XRN1: variants seen among roughly 807,000 people sequenced by gnomAD.
The protein encoded by XRN1 is strand-exchange protein 1 homolog.
In XRN1, 67 loss-of-function variants were observed where a neutral mutation model predicts 222.3. That is an observed-to-expected ratio of 0.30 (90% CI 0.25 to 0.37). XRN1 has a LOEUF of 0.37. XRN1 is among the 10% of genes least tolerant of loss of function. XRN1 has a pLI of 1.00. For synonymous variants in XRN1, 643 were observed against 652.4 expected, an observed-to-expected ratio of 0.99 and a Z score of 0.22; for missense variants, 1,707 against 2,000.2, an observed-to-expected ratio of 0.85 and a Z score of 2.80.
intron 39 of XRN1, among the ~76,000 whole-genome samples, chr3:142,317,384 G>T (rs2065240338): frequency 6.6e-6 from 1 of 151,926 alleles, no homozygotes; most frequent in South Asian, 2.1e-4. Context: ...GCTTTGCTAG[G>T]ACTTTATCTA....
intron 39 of XRN1, chr3:142,313,271 G>A (rs941216799): frequency 7.2e-7 from 1 of 1,384,362 alleles, no homozygotes; most frequent in Non-Finnish European, 1.0e-6. Context: ...TTGAAGTCAA[G>A]GCCTTTTTTC....
At chr3:142,368,720 C>A (rs946882563) in intron 27 of XRN1, among the ~76,000 whole-genome samples, 2 of 152,114 alleles carry the variant, frequency 1.3e-5, no homozygotes, top group African/African-American at 4.8e-5. Flanking sequence ...AAATAAATGA[C>A]CTTTCAAAAA....
At chr3:142,360,480 T>C (rs1357794384) in intron 29 of XRN1, among the ~76,000 whole-genome samples, 8 of 152,020 alleles carry the variant, frequency 5.3e-5, no homozygotes, top group Non-Finnish European at 8.8e-5. Context: ...ACAATGAACA[T>C]GCAAATGTGT....
chr3:142,397,770 G>T (rs979084451), intron 19 of XRN1, among the ~76,000 whole-genome samples: 1 of 152,130 alleles, frequency 6.6e-6, no homozygotes, highest in Non-Finnish European at 1.5e-5. Context: ...AGCAACAGTA[G>T]GTTGACCACA....
Position 142,318,599 on chromosome 3 carries a change from TG to T in XRN1, c.4613del (p.Pro1538HisfsTer6). Reference sequence around the variant, plus strand: ...AAATGAAAAATATCTTACCAGTAGGTGGGGGAAAGGCTGGAGGAATGGTTCC... The same window carrying T: ...AAATGAAAAATATCTTACCAGTAGGTGGGGAAAGGCTGGAGGAATGGTTCC... ...PPGTIPPAFP[P>X]PTANIMPSSS... On this transcript the variant is annotated frameshift_variant, in exon 39 of 41. Transcript: ENST00000392981. LOFTEE classifies it high-confidence loss of function. 1 of 1,603,638 alleles carries T rather than the reference TG, an allele frequency of 6.2e-7. No individual in the cohort carries two copies. Among genetic ancestry groups the T allele is most frequent in the Admixed American group, 1.7e-5 (1 of 57,954 alleles).
intron 30 of XRN1, 109 bp from the exon 31 acceptor site, chr3:142,357,228 T>C (rs2066488687): frequency 2.0e-6 from 2 of 986,280 alleles, no homozygotes; most frequent in African/African-American, 1.6e-5. Context: ...TTAGTAAATA[T>C]TACTTTTTAA....
At chr3:142,367,944 A>C (rs1273239171) in intron 27 of XRN1, among the ~76,000 whole-genome samples, 1 of 3,706 alleles carries the variant, frequency 2.7e-4, no homozygotes, top group African/African-American at 1.9e-3. Flanking sequence ...TAATCCTGAA[A>C]GAAAAAAAAA....
chr3:142,430,423 G>A (rs1227663651), intron 2 of XRN1, among the ~76,000 whole-genome samples: 2 of 152,176 alleles, frequency 1.3e-5, no homozygotes, highest in Non-Finnish European at 2.9e-5. Flanking sequence ...GGGGAGTATG[G>A]TAAAAAATAG....
rs373709362 is a variant in XRN1, at chr3:142,335,539, A to G, written c.3878-30T>C. ...AGACAAGAAAACAGAAATTTTCATA[A>G]ATGGAAGTGTTTACTGCACAATTAA... On this transcript the variant is annotated intron_variant, in intron 33 of 40. Transcript: ENST00000392981. The G allele has an allele frequency of 2.5e-6, 4 of 1,586,790 alleles. No homozygotes were observed. The African/African-American group carries it at 5.4e-5, about 21-fold the overall frequency.
intron 22 of XRN1, among the ~76,000 whole-genome samples, chr3:142,380,846 C>T (rs1002205299): frequency 2.6e-5 from 4 of 152,042 alleles, no homozygotes; most frequent in African/African-American, 7.2e-5. Context: ...TGGGATTTTG[C>T]CATGTTGCCC....
intron 20 of XRN1, among the ~76,000 whole-genome samples, chr3:142,396,053 C>T (rs761815257): frequency 3.3e-5 from 5 of 152,176 alleles, no homozygotes; most frequent in Non-Finnish European, 7.3e-5. Flanking sequence ...TAGTTGTCTC[C>T]CATCCAGCAG....
intron 33 of XRN1, among the ~76,000 whole-genome samples, chr3:142,339,690 C>T (rs993394344): frequency 6.6e-6 from 1 of 152,120 alleles, no homozygotes; most frequent in Non-Finnish European, 1.5e-5. Context: ...GTAATCCCAG[C>T]ACTTTGGGAA....
chr3:142,407,673 T>C (rs542228747), intron 15 of XRN1: 65 of 152,344 alleles, frequency 4.3e-4, no homozygotes, highest in African/African-American at 1.4e-3. Flanking sequence ...ATGGAATGCT[T>C]CATGAATTTG....
At chr3:142,338,969 G>A (rs2065915702) in intron 33 of XRN1, among the ~76,000 whole-genome samples, 1 of 152,162 alleles carries the variant, frequency 6.6e-6, no homozygotes, top group Non-Finnish European at 1.5e-5. Context: ...TTCAGACCCT[G>A]TCTCCTGGAT....
intron 14 of XRN1, among the ~76,000 whole-genome samples, chr3:142,413,281 T>C (rs1490010309): frequency 6.6e-6 from 1 of 152,182 alleles, no homozygotes; most frequent in Non-Finnish European, 1.5e-5. Flanking sequence ...ATAACCAGTA[T>C]GGCATGGGCA....
At chr3:142,343,351 G>C (rs2066050604) in intron 33 of XRN1, among the ~76,000 whole-genome samples, 1 of 152,018 alleles carries the variant, frequency 6.6e-6, no homozygotes, top group Non-Finnish European at 1.5e-5. Context: ...CTACTCAGGA[G>C]GCTGAGGCAG....
In XRN1 at chr3:142,365,361, T is replaced by C; in HGVS notation, c.3210A>G (p.Arg1070=). The change falls in exon 28 of 41, where the codon AGA becomes AGG. Residue 1070 remains arginine, a synonymous_variant. Transcript: ENST00000392981. ...TTACTCGCACCTTCTTATTATTCTT[T>C]CTTTGCTGAGGAAAAAGAAAAATTG... The part of the protein sequence containing the change: ...IEEEVEKCKQ[R]KNNKKVRVTV... 1 of 1,563,168 alleles carries C rather than the reference T, an allele frequency of 6.4e-7. No individual in the cohort carries two copies. Among genetic ancestry groups the C allele is most frequent in the Middle Eastern group, 1.7e-4 (1 of 5,762 alleles).
chr3:142,312,778 A>T lies in XRN1; in HGVS notation c.4622-20T>A. The T allele has an allele frequency of 2.5e-6, 4 of 1,570,314 alleles. No homozygotes were observed. Among genetic ancestry groups the T allele is most frequent in the Non-Finnish European group, 3.5e-6 (4 of 1,156,560 alleles). Reference sequence around the variant, plus strand: ...TATTAGCTGTTAAAAACCAAGGAAAATTTTTCTTTTAGTAAAATGGTATCA... The same window carrying T: ...TATTAGCTGTTAAAAACCAAGGAAATTTTTTCTTTTAGTAAAATGGTATCA... On this transcript the variant is annotated intron_variant, in intron 39 of 40. Transcript: ENST00000392981.
In XRN1 at chr3:142,414,144, T is replaced by G; in HGVS notation, c.1584A>C (p.Ala528=). ...LPAASKNLLP[A]CYQHLMTNED... ...CAATTCTAAGACCCACCTGGTAGCA[T>G]GCAGGAAGTAAATTTTTGCTGGCTG... The change falls in exon 14 of 41, where the codon GCA becomes GCC. Residue 528 remains alanine, a synonymous_variant. Coordinates refer to ENST00000392981, the MANE Select transcript of XRN1 (RefSeq NM_001282857.2). 1 of 1,612,478 alleles carries G rather than the reference T, an allele frequency of 6.2e-7. No homozygotes were observed. The highest frequency in any genetic ancestry group is 8.5e-7 in the Non-Finnish European group (1 of 1,179,274).
Sources: allele counts gnomAD v4.1 joint callset (sites outside exome capture counted in the v4.1 genomes callset), GRCh38; gene constraint gnomAD v4.1.1; transcripts MANE v1.5; gene names NCBI Gene and HGNC (gene_info 2026-07-23, HGNC 2026-07-21).